The following SHPK variants were observed in gnomAD, a reference collection of about 807,000 sequenced individuals.
SHPK encodes the protein carbohydrate kinase-like protein.
In SHPK, 51 loss-of-function variants were observed where a neutral mutation model predicts 46.3. The ratio of observed to expected loss-of-function variants is 1.10; its 90% CI spans 0.88 to 1.39. The LOEUF (loss-of-function observed/expected upper bound fraction) is 1.39, where lower values mean the gene tolerates loss of function less well. Among genes scored for constraint, SHPK ranks in the 40% most tolerant of loss-of-function variants. The pLI is 0.00. For missense variants in SHPK, 668 were observed against 641.3 expected, an observed-to-expected ratio of 1.04 and a Z score of -0.45; for synonymous variants, 290 against 273.9, an observed-to-expected ratio of 1.06 and a Z score of -0.58.
intron 2 of SHPK, among the ~76,000 whole-genome samples, chr17:3,624,960 T>C (rs2075424837): frequency 6.6e-6 from 1 of 152,100 alleles, no homozygotes; most frequent in African/African-American, 2.4e-5. Flanking sequence ...TGGCCCTGAT[T>C]GATTTTTAGA....
In SHPK at chr17:3,627,911, G is replaced by A. The variant is rs562911565; in HGVS notation, c.310+2294C>T. Among the ~76,000 whole-genome samples, 7 of 151,956 alleles carry A rather than the reference G, an allele frequency of 4.6e-5. No individual in the cohort carries two copies. In the East Asian group the frequency reaches 1.2e-3, roughly 25 times the overall value. ...AGAGGTTAGCCTTGACACCCTAATC[G>A]CCTTCTGCTCCCGCCACTGCTCGGT... is the stretch of plus-strand genomic sequence containing the variant. On this transcript the variant is annotated intron_variant, in intron 2 of 6. Coordinates refer to ENST00000225519, the MANE Select transcript of SHPK (RefSeq NM_013276.4).
intron 5 of SHPK, among the ~76,000 whole-genome samples, chr17:3,620,935 T>C (rs1476897741): frequency 6.6e-6 from 1 of 152,190 alleles, no homozygotes; most frequent in African/African-American, 2.4e-5. Context: ...TCTGTTTTCT[T>C]GGGCCCGGAG....
intron 5 of SHPK, among the ~76,000 whole-genome samples, chr17:3,618,417 T>A (rs931715011): frequency 6.6e-6 from 1 of 152,168 alleles, no homozygotes; most frequent in African/African-American, 2.4e-5. Flanking sequence ...ATAAACTTTT[T>A]AAAATTTAAA....
rs1462342528 is a variant in SHPK, at chr17:3,623,485, C to G, written c.501G>C (p.Glu167Asp). 6.2e-7 allele frequency: 1 copy of G among 1,614,072 alleles called. No individual in the cohort carries two copies. The highest frequency in any genetic ancestry group is 2.2e-5 in the East Asian group (1 of 44,890). ...TIFWLLKYRP[E>D]FLKSYDAAGT... Reference sequence around the variant, plus strand: ...CGGCTGCGTCGTAGGACTTCAGGAACTCTGGGCTGTTTTTCATACCAAAAA... The same window carrying G: ...CGGCTGCGTCGTAGGACTTCAGGAAGTCTGGGCTGTTTTTCATACCAAAAA... The change falls in exon 4 of 7, where the codon GAG becomes GAC. Residue 167 changes from glutamate to aspartate, a missense_variant. Physicochemically the swap from Glu to Asp is conservative, Grantham distance 45. Coordinates refer to ENST00000225519, the MANE Select transcript of SHPK (RefSeq NM_013276.4).
chr17:3,634,116 G>A (rs541407110), intron 1 of SHPK, among the ~76,000 whole-genome samples: 10 of 149,114 alleles, frequency 6.7e-5, no homozygotes, highest in Non-Finnish European at 1.0e-4. Flanking sequence ...AAGTACCCAG[G>A]GACACAAACA....
rs546144240 is a variant in SHPK, at chr17:3,628,415, C to T, written c.310+1790G>A. ...TCGGCTCACTGCAACCTCTGCCTCCCGGGTTCAAGTGATTTTCCTGCCTTA... is the reference window on the plus strand; with the variant it reads ...TCGGCTCACTGCAACCTCTGCCTCCTGGGTTCAAGTGATTTTCCTGCCTTA... On this transcript the variant is annotated intron_variant, in intron 2 of 6. Transcript: ENST00000225519. Among the ~76,000 whole-genome samples the T allele has an allele frequency of 4.0e-5, 6 of 151,750 alleles. No individual in the cohort carries two copies. In the East Asian group the frequency reaches 9.7e-4, roughly 25 times the overall value.
intron 5 of SHPK, among the ~76,000 whole-genome samples, chr17:3,616,809 G>A (rs754423767): frequency 3.3e-5 from 5 of 152,126 alleles, no homozygotes; most frequent in South Asian, 2.1e-4. Flanking sequence ...CGCGATCTTC[G>A]CTCATGCAAC....
chr17:3,620,406 G>C (rs1303229358), intron 5 of SHPK, among the ~76,000 whole-genome samples: 1 of 151,296 alleles, frequency 6.6e-6, no homozygotes, highest in East Asian at 1.9e-4. Context: ...GACTACAGGC[G>C]CCCATCACTA....
intron 1 of SHPK, among the ~76,000 whole-genome samples, chr17:3,630,608 C>T (rs1364592533): frequency 1.3e-5 from 2 of 152,158 alleles, no homozygotes; most frequent in Non-Finnish European, 2.9e-5. Context: ...CCTATAATCC[C>T]AGCACTTTGG....
In SHPK at chr17:3,610,678, A is replaced by G; in HGVS notation, c.1319T>C (p.Leu440Pro). ...SGSALSRNDV[L>P]KQEVQRAFPL... The stretch of plus-strand genomic sequence containing the variant: ...GAAAGCCCTCTGCACCTCCTGCTTC[A>G]GCACGTCATTCCTGGACAGCGCACT... Residue 440 changes from leucine to proline, a missense_variant, in exon 7 of 7, where the codon CTG becomes CCG. Coordinates refer to ENST00000225519, the MANE Select transcript of SHPK (RefSeq NM_013276.4). The G allele has an allele frequency of 6.2e-7, 1 of 1,614,112 alleles. No individual in the cohort carries two copies.
chr17:3,619,578 C>T, intron 5 of SHPK: 1 of 441,812 alleles, frequency 2.3e-6, no homozygotes, highest in Non-Finnish European at 4.2e-6. Context: ...ACTAAAAATG[C>T]AAACATTAAC....
At chr17:3,631,682 C>T (rs1041278103) in intron 1 of SHPK, among the ~76,000 whole-genome samples, 2 of 151,424 alleles carry the variant, frequency 1.3e-5, no homozygotes, top group Admixed American at 6.6e-5. Context: ...ACCACCACGC[C>T]GGGCTAATTT....
At chr17:3,616,120 C>CGG (rs2075370258) in intron 5 of SHPK, among the ~76,000 whole-genome samples, 1 of 151,994 alleles carries the variant, frequency 6.6e-6, no homozygotes, top group Admixed American at 6.6e-5. Flanking sequence ...CCAAAGTGTT[C>CGG]GGATTACAGG....
Position 3,615,623 on chromosome 17 carries a change from T to C in SHPK, c.824-86A>G, listed in dbSNP as rs529616088. The C allele has an allele frequency of 2.7e-4, 329 of 1,200,378 alleles. 1 individual carries two copies. Among genetic ancestry groups the C allele is most frequent in the Non-Finnish European group, 3.6e-4 (299 of 833,474 alleles). 74.4% of individuals were successfully genotyped at this position (1,200,378 alleles called of 1,614,324 possible). On this transcript the variant is annotated intron_variant, in intron 5 of 6. Coordinates refer to ENST00000225519, the MANE Select transcript of SHPK (RefSeq NM_013276.4). ...AGTTTGGCAGTGAGAGGGGGTGGCC[T>C]GTCGGGTTAACTCAGAGGTCACAAG... is the stretch of plus-strand genomic sequence containing the variant.
At chr17:3,621,461 G>C in intron 4 of SHPK, 49 bp from the exon 5 acceptor site, 1 of 1,545,436 alleles carries the variant, frequency 6.5e-7, no homozygotes, top group Non-Finnish European at 8.8e-7. Flanking sequence ...TAGGTTTCGG[G>C]AATTTAAGGG....
chr17:3,623,847 G>T (rs1017887046), intron 3 of SHPK, among the ~76,000 whole-genome samples: 2 of 152,178 alleles, frequency 1.3e-5, no homozygotes, highest in Non-Finnish European at 2.9e-5. Context: ...ATGTGGGTGG[G>T]AACTGGATAA....
Position 3,615,488 on chromosome 17 carries a change from T to A in SHPK, c.873A>T (p.Gly291=). Residue 291 remains glycine, a synonymous_variant, in exon 6 of 7, where the codon GGA becomes GGT. Coordinates refer to ENST00000225519, the MANE Select transcript of SHPK (RefSeq NM_013276.4). The stretch of plus-strand genomic sequence containing the variant: ...GGTCTGGAGTCTGTGCAGGCTGGAA[T>A]CCTGAAGGCATGGAGGCTGCCAGCT... The part of the protein sequence containing the change: ...SVQLAASMPS[G]FQPAQTPDPT... The A allele has an allele frequency of 6.2e-7, 1 of 1,614,112 alleles. No individual in the cohort carries two copies. Among genetic ancestry groups the A allele is most frequent in the Non-Finnish European group, 8.5e-7 (1 of 1,180,014 alleles).
intron 6 of SHPK, 140 bp downstream of exon 6, chr17:3,615,197 G>C: frequency 1.3e-6 from 1 of 745,890 alleles, no homozygotes; most frequent in Non-Finnish European, 2.2e-6. Context: ...CAAAGGATGG[G>C]AGAAATATGC....
chr17:3,612,209 T>G (rs911087497), intron 6 of SHPK, among the ~76,000 whole-genome samples: 1 of 151,878 alleles, frequency 6.6e-6, no homozygotes, highest in Non-Finnish European at 1.5e-5. Context: ...GCGGATCACT[T>G]GAAGTCAGGA....
Sources: allele counts gnomAD v4.1 joint callset (sites outside exome capture counted in the v4.1 genomes callset), GRCh38; gene constraint gnomAD v4.1.1; transcripts MANE v1.5; gene names NCBI Gene and HGNC (gene_info 2026-07-23, HGNC 2026-07-21).